Variants in RIN3 observed in about 807,000 individuals in gnomAD.
RIN3 encodes RAB5 interacting protein 3.
In RIN3, 54 loss-of-function variants were observed where a neutral mutation model predicts 76.3. That is an observed-to-expected ratio of 0.71 (90% confidence interval 0.57 to 0.89). The LOEUF is 0.89. RIN3 is among the 40% of genes least tolerant of loss of function. RIN3 has a pLI of 0.00. For synonymous variants in RIN3, 576 were observed against 564.0 expected, an observed-to-expected ratio of 1.02 and a Z score of -0.30; for missense variants, 1,256 against 1,322.1, an observed-to-expected ratio of 0.95 and a Z score of 0.78.
At position 92,579,472 on chromosome 14, in the gene RIN3, C is replaced by T. The variant is rs575574792; in HGVS notation, c.367+1995C>T. Among the ~76,000 whole-genome samples the T allele has an allele frequency of 6.6e-5, 10 of 152,328 alleles. No individual in the cohort carries two copies. In the East Asian group the frequency reaches 7.7e-4, roughly 12 times the overall value. ...ATCTCTTTCACTGTCATCATTTCCTCGTCATAATTTTTGCAAAAGCAGTTT... is the reference window on the plus strand; with the variant it reads ...ATCTCTTTCACTGTCATCATTTCCTTGTCATAATTTTTGCAAAAGCAGTTT... On this transcript the variant is annotated intron_variant, in intron 3 of 9. Transcript: ENST00000216487.
chr14:92,615,505 G>A (rs1194849258), intron 4 of RIN3, 26 bp downstream of exon 4: 2 of 1,594,662 alleles, frequency 1.3e-6, no homozygotes, highest in South Asian at 2.2e-5. Flanking sequence ...CCTGCAGGAG[G>A]TTATCTGGTT....
intron 1 of RIN3, among the ~76,000 whole-genome samples, chr14:92,520,169 C>T (rs534086362): frequency 2.0e-5 from 3 of 152,364 alleles, no homozygotes; most frequent in South Asian, 2.1e-4. Context: ...AATGAAATGT[C>T]GGTTCTCTTT....
intron 2 of RIN3, among the ~76,000 whole-genome samples, chr14:92,557,529 C>T (rs1490624868): frequency 6.6e-6 from 1 of 152,232 alleles, no homozygotes; most frequent in Non-Finnish European, 1.5e-5. Flanking sequence ...ACTCGTTCAC[C>T]TCGGACGAGG....
At chr14:92,605,868 A>G (rs1885508145) in intron 3 of RIN3, among the ~76,000 whole-genome samples, 1 of 152,218 alleles carries the variant, frequency 6.6e-6, no homozygotes, top group African/African-American at 2.4e-5. Context: ...ATCAATAGAG[A>G]GAAGAATTGA....
intron 1 of RIN3, among the ~76,000 whole-genome samples, chr14:92,551,352 C>T (rs1897419681): frequency 6.6e-6 from 1 of 152,160 alleles, no homozygotes; most frequent in Admixed American, 6.6e-5. Context: ...ATCCATTCTG[C>T]CGCTGATGGA....
intron 3 of RIN3, among the ~76,000 whole-genome samples, chr14:92,599,167 C>T (rs2140086013): frequency 6.6e-6 from 1 of 152,224 alleles, no homozygotes; most frequent in South Asian, 2.1e-4. Flanking sequence ...TCTAAATGGC[C>T]CTGGGGAACC....
intron 2 of RIN3, among the ~76,000 whole-genome samples, chr14:92,564,484 G>C (rs1897863729): frequency 6.6e-6 from 1 of 152,184 alleles, no homozygotes; most frequent in South Asian, 2.1e-4. Flanking sequence ...TCTTCTAGAA[G>C]AAAGGAGTCT....
chr14:92,647,861 C>T lies in RIN3; in HGVS notation c.533-3721C>T, dbSNP rs528106051. Among the ~76,000 whole-genome samples, 200 of 152,270 alleles carry T rather than the reference C, an allele frequency of 1.3e-3. 1 individual carries two copies. Among genetic ancestry groups the T allele is most frequent in the African/African-American group, 4.1e-3 (171 of 41,562 alleles). The stretch of plus-strand genomic sequence containing the variant: ...TCTGGCAAGAGGTGTCCCCAGCCAA[C>T]GCTCAACAGGCCTTGGGGCCAGCAA... On this transcript the variant is annotated intron_variant, in intron 5 of 9. Transcript: ENST00000216487.
chr14:92,639,475 A>G (rs1458873390), intron 4 of RIN3, among the ~76,000 whole-genome samples: 1 of 152,190 alleles, frequency 6.6e-6, no homozygotes, highest in Non-Finnish European at 1.5e-5. Flanking sequence ...AGAACAGGGC[A>G]GGTGGGATAA....
chr14:92,571,386 A>C (rs1009629305), intron 2 of RIN3, among the ~76,000 whole-genome samples: 1 of 152,238 alleles, frequency 6.6e-6, no homozygotes, highest in African/African-American at 2.4e-5. Context: ...CAATATTTAC[A>C]GGAAATCAGC....
At chr14:92,662,132 G>A (rs1887910779) in intron 7 of RIN3, among the ~76,000 whole-genome samples, 1 of 152,246 alleles carries the variant, frequency 6.6e-6, no homozygotes, top group Non-Finnish European at 1.5e-5. Context: ...GGCGACATGA[G>A]GCGGAGGGTT....
chr14:92,610,746 G>A (rs1049240451), intron 3 of RIN3, among the ~76,000 whole-genome samples: 24 of 152,166 alleles, frequency 1.6e-4, no homozygotes, highest in African/African-American at 5.8e-4. Flanking sequence ...TGGGAGTGAG[G>A]ACTGTAGGAA....
chr14:92,564,640 A>G (rs1459851260), intron 2 of RIN3, among the ~76,000 whole-genome samples: 1 of 152,160 alleles, frequency 6.6e-6, no homozygotes, highest in Non-Finnish European at 1.5e-5. Context: ...TGCTCTTACC[A>G]TTGCCCGCTG....
At chr14:92,631,313 C>T (rs1231318171) in intron 4 of RIN3, among the ~76,000 whole-genome samples, 1 of 152,180 alleles carries the variant, frequency 6.6e-6, no homozygotes, top group Non-Finnish European at 1.5e-5. Flanking sequence ...AGTGAAGATT[C>T]CCCAGAGCAG....
At chr14:92,687,714 C>T (rs1888915389) in intron 9 of RIN3, 2 of 540,272 alleles carry the variant, frequency 3.7e-6, no homozygotes, top group Non-Finnish European at 6.5e-6. Context: ...TAATTCATCT[C>T]CCAGAACTGT....
chr14:92,517,911 A>G (rs1407467892), intron 1 of RIN3, among the ~76,000 whole-genome samples: 1 of 152,206 alleles, frequency 6.6e-6, no homozygotes, highest in Non-Finnish European at 1.5e-5. Context: ...AATTGCCCTC[A>G]GGTGACATGC....
intron 4 of RIN3, among the ~76,000 whole-genome samples, chr14:92,634,729 T>C (rs8015224): frequency 6.6e-6 from 1 of 151,676 alleles, no homozygotes; most frequent in Non-Finnish European, 1.5e-5. Context: ...GTGGTTGCAG[T>C]CACCTGTAAT....
At chr14:92,529,566 G>A (rs1202275814) in intron 1 of RIN3, among the ~76,000 whole-genome samples, 2 of 152,170 alleles carry the variant, frequency 1.3e-5, no homozygotes, top group Admixed American at 1.3e-4. Flanking sequence ...CACTTTTGAA[G>A]TCATTCAAGG....
At chr14:92,661,157 CAATG>C (rs1450234568) in intron 7 of RIN3, among the ~76,000 whole-genome samples, 2 of 152,174 alleles carry the variant, frequency 1.3e-5, no homozygotes, top group Non-Finnish European at 2.9e-5. Flanking sequence ...GTATTAGAAA[CAATG>C]TATGTAAAAT....
Sources: gnomAD v4.1 joint callset for allele counts (sites outside exome capture counted in the v4.1 genomes callset) on GRCh38, gnomAD v4.1.1 for gene constraint, MANE v1.5 for transcripts, NCBI Gene and HGNC (gene_info 2026-07-23, HGNC 2026-07-21) for gene names.